Variants in EIF5B observed in about 807,000 individuals in gnomAD.
EIF5B encodes the protein eukaryotic translation initiation factor 5B.
EIF5B carries 47 observed loss-of-function variants against 147.5 expected under a neutral mutation model. The observed-to-expected ratio is 0.32, with a 90% CI of 0.25 to 0.41. The LOEUF (loss-of-function observed/expected upper bound fraction) is 0.41. Among genes scored for constraint, EIF5B ranks in the 10% least tolerant of loss-of-function variants. EIF5B has a pLI of 1.00. For missense variants in EIF5B, 1,064 were observed against 1,413.2 expected, an observed-to-expected ratio of 0.75 and a Z score of 3.96; for synonymous variants, 455 against 456.2, an observed-to-expected ratio of 1.00 and a Z score of 0.03.
chr2:99,360,196 C>T, intron 1 of EIF5B, 40 bp from the exon 2 acceptor site: 1 of 1,552,212 alleles, frequency 6.4e-7, no homozygotes, highest in Non-Finnish European at 8.6e-7. Flanking sequence ...GATTATTTTG[C>T]TTTTAAGTAG....
chr2:99,373,912 A>G (rs7602923), intron 9 of EIF5B, among the ~76,000 whole-genome samples: 66,389 of 152,014 alleles, frequency 0.44, 14,769 homozygotes, highest in Admixed American at 0.57. Flanking sequence ...GTACCTTTGA[A>G]CTAACAATGT....
chr2:99,373,976 C>A (rs1674509427), intron 9 of EIF5B, among the ~76,000 whole-genome samples: 1 of 152,126 alleles, frequency 6.6e-6, no homozygotes. Context: ...ATGACATTTA[C>A]CCAATACTCT....
At chr2:99,362,556 G>A (rs892899582) in intron 4 of EIF5B, among the ~76,000 whole-genome samples, 2 of 151,774 alleles carry the variant, frequency 1.3e-5, no homozygotes, top group East Asian at 2.0e-4. Flanking sequence ...ATAATTAGCC[G>A]GGCATGGTGG....
At chr2:99,344,778 T>C (rs2094268997) in intron 1 of EIF5B, among the ~76,000 whole-genome samples, 1 of 152,170 alleles carries the variant, frequency 6.6e-6, no homozygotes, top group Non-Finnish European at 1.5e-5. Context: ...TTTCCTTAGA[T>C]GAAAAATTTC....
intron 6 of EIF5B, among the ~76,000 whole-genome samples, chr2:99,365,782 T>C (rs1674313573): frequency 1.3e-5 from 2 of 151,980 alleles, no homozygotes; most frequent in Non-Finnish European, 2.9e-5. Context: ...TTTACCATCT[T>C]ATTAGTTCCC....
chr2:99,391,730 T>G (rs1182172391), intron 17 of EIF5B, among the ~76,000 whole-genome samples: 1 of 125,960 alleles, frequency 7.9e-6, no homozygotes, highest in Non-Finnish European at 1.7e-5. Flanking sequence ...TAGCTGGCTC[T>G]TTTTTTTTTT....
At position 99,377,232 on chromosome 2, in the gene EIF5B, T is replaced by A. The variant is rs1674584685; in HGVS notation, c.1842+596T>A. Among the ~76,000 whole-genome samples, 3 of 152,086 alleles carry A rather than the reference T, an allele frequency of 2.0e-5. No individual in the cohort carries two copies. In the South Asian group the frequency reaches 6.2e-4, roughly 32 times the overall value. On this transcript the variant is annotated intron_variant, in intron 10 of 23. Coordinates refer to ENST00000289371, the MANE Select transcript of EIF5B (RefSeq NM_015904.4). ...AGCTAAAAACTATTTTAGCTTTCCT[T>A]TTTGTGTATTATTAATTTTTTAATT...
At chr2:99,376,715 T>C in intron 10 of EIF5B, 79 bp downstream of exon 10, 1 of 1,489,088 alleles carries the variant, frequency 6.7e-7, no homozygotes. Flanking sequence ...AACTAAAGGC[T>C]TTGAACAGCA....
At chr2:99,365,054 G>A (rs1445155655) in intron 6 of EIF5B, among the ~76,000 whole-genome samples, 1 of 152,112 alleles carries the variant, frequency 6.6e-6, no homozygotes, top group African/African-American at 2.4e-5. Context: ...TGAAAGGTAA[G>A]GTGATTTAAA....
chr2:99,361,177 C>A lies in EIF5B; in HGVS notation c.276C>A (p.Thr92=). Residue 92 remains threonine (T), a synonymous_variant, in exon 4 of 24, where the codon ACC becomes ACA. Coordinates refer to ENST00000289371, the MANE Select transcript of EIF5B (RefSeq NM_015904.4). The part of the protein sequence containing the change: ...KPTENNEEEF[T]SKDKKKKGQK... ...CAGAAAACAATGAAGAGGAATTCAC[C>A]TCAAAAGATAAAAAAAAGAAAGGAC... 2 of 1,548,178 alleles carry A rather than the reference C, an allele frequency of 1.3e-6. No homozygotes were observed. The highest frequency in any genetic ancestry group is 1.7e-6 in the Non-Finnish European group (2 of 1,155,244).
intron 1 of EIF5B, among the ~76,000 whole-genome samples, chr2:99,355,083 G>A (rs1469199389): frequency 3.9e-5 from 6 of 152,092 alleles, no homozygotes; most frequent in South Asian, 4.1e-4. Flanking sequence ...GATTACAGGC[G>A]TGAGTCACTG....
intron 9 of EIF5B, among the ~76,000 whole-genome samples, chr2:99,374,015 A>C (rs1422019981): frequency 6.6e-6 from 1 of 152,136 alleles, no homozygotes; most frequent in Non-Finnish European, 1.5e-5. Flanking sequence ...TCGGCCAGGC[A>C]TGGCGGCTCA....
intron 4 of EIF5B, among the ~76,000 whole-genome samples, chr2:99,363,049 G>A (rs1042910599): frequency 6.6e-6 from 1 of 152,098 alleles, no homozygotes; most frequent in Non-Finnish European, 1.5e-5. Context: ...GTGAGCCACC[G>A]TGCCCAGCAA....
chr2:99,381,518 G>GGTGTGTGTGT lies in EIF5B; in HGVS notation c.2062-615_2062-606dup, dbSNP rs56686088. ...GTAGATAAGCATAATACAAAAAGGG[G>GGTGTGTGTGT]GTGTGTGTGTGTGTGTGTGTGTGTG... On this transcript the variant is annotated intron_variant, in intron 12 of 23. Transcript: ENST00000289371. Among the ~76,000 whole-genome samples the GGTGTGTGTGT allele has an allele frequency of 3.5e-3, 505 of 143,058 alleles. 1 individual carries two copies. The highest frequency in any genetic ancestry group is 0.019 in the East Asian group (92 of 4,830). 93.9% of individuals were successfully genotyped at this position (143,058 alleles called of 152,430 possible).
chr2:99,358,254 A>G (rs1220221112), intron 1 of EIF5B, among the ~76,000 whole-genome samples: 2 of 151,858 alleles, frequency 1.3e-5, no homozygotes, highest in Non-Finnish European at 2.9e-5. Flanking sequence ...TTTTTTAGAG[A>G]CGGGGTTTCA....
chr2:99,373,594 A>G (rs1435316165), intron 9 of EIF5B, among the ~76,000 whole-genome samples: 1 of 152,168 alleles, frequency 6.6e-6, no homozygotes, highest in East Asian at 1.9e-4. Context: ...TTTAGAGGGG[A>G]CACCATTTAC....
chr2:99,354,796 C>CTTTTTT lies in EIF5B; in HGVS notation c.36-5421_36-5416dup, dbSNP rs57735386. Among the ~76,000 whole-genome samples, 3 of 80,022 alleles carry CTTTTTT rather than the reference C, an allele frequency of 3.7e-5. No individual in the cohort carries two copies. In the South Asian group the frequency reaches 1.4e-3, roughly 38 times the overall value. 52.5% of individuals were successfully genotyped at this position (80,022 alleles called of 152,430 possible). A position where few individuals can be genotyped will look rare whatever the true frequency, so the allele number is the denominator to read the frequency against. On this transcript the variant is annotated intron_variant, in intron 1 of 23. Coordinates refer to ENST00000289371, the MANE Select transcript of EIF5B (RefSeq NM_015904.4). ...CTTTGTCAAAAATTAATTGGTTGTA[C>CTTTTTT]TTTTTTTTTTTTTTTTTTTTTTTTG...
At chr2:99,341,074 T>A (rs1460576985) in intron 1 of EIF5B, among the ~76,000 whole-genome samples, 1 of 152,220 alleles carries the variant, frequency 6.6e-6, no homozygotes, top group Non-Finnish European at 1.5e-5. Flanking sequence ...CCAGTTTGTG[T>A]AATTCTAAGA....
At chr2:99,393,234 C>A in intron 18 of EIF5B, 136 bp downstream of exon 18, 2 of 658,310 alleles carry the variant, frequency 3.0e-6, no homozygotes, top group East Asian at 3.3e-5. Flanking sequence ...TCTTAGCAAA[C>A]TTGATGCTTT....
Sources: gnomAD v4.1 joint callset for allele counts (sites outside exome capture counted in the v4.1 genomes callset) on GRCh38, gnomAD v4.1.1 for gene constraint, MANE v1.5 for transcripts, NCBI Gene and HGNC (gene_info 2026-07-23, HGNC 2026-07-21) for gene names.